The following PSPC1 variants were observed in gnomAD, a reference collection of about 807,000 sequenced individuals.
PSPC1 encodes the protein paraspeckle component 1.
Under a neutral mutation model 51.6 loss-of-function variants are expected in PSPC1, and 14 were observed. The observed-to-expected ratio is 0.27, with a 90% confidence interval of 0.18 to 0.42. The LOEUF (loss-of-function observed/expected upper bound fraction) is 0.42. Among genes scored for constraint, PSPC1 ranks in the 10% least tolerant of loss-of-function variants. PSPC1 has a pLI of 1.00. For synonymous variants in PSPC1, 193 were observed against 231.9 expected (o/e 0.83, Z 1.53); for missense variants, 406 against 701.1 (o/e 0.58, Z 4.75).
chr13:19,713,975 G>C (rs1344144154), intron 6 of PSPC1, among the ~76,000 whole-genome samples: 1 of 152,198 alleles, frequency 6.6e-6, no homozygotes, highest in Non-Finnish European at 1.5e-5. Flanking sequence ...CAGCACTATA[G>C]CACAAGCCAA....
downstream of PSPC1, chr13:19,673,222 A>C: frequency 2.3e-6 from 1 of 426,066 alleles, no homozygotes; most frequent in Non-Finnish European, 4.6e-6. Flanking sequence ...CTCTGGGAAG[A>C]GTTCCTGCTT....
intron 5 of PSPC1, among the ~76,000 whole-genome samples, chr13:19,738,052 T>C (rs898957253): frequency 6.6e-6 from 1 of 152,212 alleles, no homozygotes; most frequent in Non-Finnish European, 1.5e-5. Flanking sequence ...ATTGAGACAC[T>C]GCACTTCAGC....
intron 6 of PSPC1, among the ~76,000 whole-genome samples, chr13:19,725,935 G>A (rs1166632493): frequency 6.6e-6 from 1 of 152,086 alleles, no homozygotes. Context: ...TGAGACAGGA[G>A]GATAGCTTCA....
At chr13:19,673,002 GCCGTGAA>G (rs1876222481), downstream of PSPC1, 1 of 428,426 alleles carries the variant, frequency 2.3e-6, no homozygotes, top group Non-Finnish European at 4.6e-6. Flanking sequence ...GCTGCAGTGA[GCCGTGAA>G]AGGCCACTGC....
intron 7 of PSPC1, among the ~76,000 whole-genome samples, chr13:19,677,232 C>CAAAA (rs144841164): frequency 8.4e-6 from 1 of 119,170 alleles, no homozygotes; most frequent in African/African-American, 3.2e-5. Flanking sequence ...GACTCCGTCT[C>CAAAA]AAAAAAAAAA....
chr13:19,758,558 C>T (rs1440435738), intron 3 of PSPC1, among the ~76,000 whole-genome samples: 1 of 151,140 alleles, frequency 6.6e-6, no homozygotes, highest in Admixed American at 6.6e-5. Context: ...TCCAGCTGGG[C>T]GTGGTGGCTC....
intron 3 of PSPC1, among the ~76,000 whole-genome samples, chr13:19,757,144 A>G (rs1310573518): frequency 4.5e-4 from 69 of 151,756 alleles, no homozygotes; most frequent in African/African-American, 1.4e-3. Context: ...AAAAAAAAAA[A>G]AAAGAAAGAA....
chr13:19,747,634 T>G (rs1422614253), intron 4 of PSPC1, among the ~76,000 whole-genome samples: 1 of 152,202 alleles, frequency 6.6e-6, no homozygotes, highest in Admixed American at 6.6e-5. Flanking sequence ...CCCAGCCAGT[T>G]TGTTTTGTTG....
intron 2 of PSPC1, 51 bp from the exon 3 acceptor site, chr13:19,759,469 A>G: frequency 8.2e-7 from 1 of 1,226,656 alleles, no homozygotes; most frequent in Non-Finnish European, 1.2e-6. Context: ...CCAAGAATTA[A>G]TACCGTCTTA....
intron 3 of PSPC1, among the ~76,000 whole-genome samples, chr13:19,755,992 C>T (rs1002102221): frequency 6.6e-6 from 1 of 151,958 alleles, no homozygotes; most frequent in African/African-American, 2.4e-5. Flanking sequence ...ATCCCAGCAC[C>T]TTGGGAGGCC....
At chr13:19,682,939 A>G (rs1381381950) in intron 6 of PSPC1, among the ~76,000 whole-genome samples, 1 of 151,966 alleles carries the variant, frequency 6.6e-6, no homozygotes, top group Non-Finnish European at 1.5e-5. Flanking sequence ...GCAGTGGCAC[A>G]TGCCTGTATT....
intron 6 of PSPC1, among the ~76,000 whole-genome samples, chr13:19,721,505 A>G (rs1381652176): frequency 2.0e-5 from 3 of 152,236 alleles, no homozygotes; most frequent in East Asian, 1.9e-4. Context: ...GGAATAATAA[A>G]CAAATCACAT....
downstream of PSPC1, among the ~76,000 whole-genome samples, chr13:19,700,264 A>T (rs1879743009): frequency 6.6e-6 from 1 of 152,094 alleles, no homozygotes; most frequent in Admixed American, 6.5e-5. Context: ...CAAACTGTAA[A>T]GGTATTATTT....
rs1204607996 is a variant in PSPC1, at chr13:19,751,203, C to T, written c.967+68G>A. 7 of 1,299,306 alleles carry T rather than the reference C, an allele frequency of 5.4e-6. No homozygotes were observed. In the South Asian group the frequency reaches 1.0e-4, roughly 19 times the overall value. The allele number at this position is 1,299,306 out of a possible 1,614,324, so 80.5% of individuals were successfully genotyped here. A position where few individuals can be genotyped will look rare whatever the true frequency, so the allele number is the denominator to read the frequency against. On this transcript the variant is annotated intron_variant, in intron 4 of 8. Transcript: ENST00000338910. ...CTAAATGGCACTTTACACAGTAGTA[C>T]ATGAATGGTACACACACTTAAGGGA...
intron 4 of PSPC1, among the ~76,000 whole-genome samples, chr13:19,750,195 C>A (rs933135879): frequency 3.3e-5 from 5 of 152,110 alleles, no homozygotes; most frequent in Non-Finnish European, 5.9e-5. Flanking sequence ...CAGAAACGTT[C>A]AGCAGGAATG....
intron 6 of PSPC1, among the ~76,000 whole-genome samples, chr13:19,694,065 G>A (rs1019655047): frequency 1.9e-4 from 26 of 134,966 alleles, no homozygotes; most frequent in Non-Finnish European, 3.5e-4. Flanking sequence ...GGAGCCTGCA[G>A]TGAGCCGAGA....
chr13:19,696,645 G>A lies in PSPC1; in HGVS notation c.1159-18822C>T, dbSNP rs536085147. 1.9e-3 allele frequency among the ~76,000 whole-genome samples: 291 copies of A among 152,162 alleles called. 1 individual carries two copies. Among genetic ancestry groups the A allele is most frequent in the African/African-American group, 6.8e-3 (281 of 41,512 alleles). On this transcript the variant is annotated intron_variant and NMD_transcript_variant, in intron 6 of 7. Coordinates refer to the PSPC1 transcript ENST00000471658. ...AAAAGCAAAACAAGCTTACACCAAA[G>A]AGAAAGTCAGGCCATCATTTTAATC...
chr13:19,759,817 G>A (rs1024945774), intron 2 of PSPC1, among the ~76,000 whole-genome samples: 7 of 145,516 alleles, frequency 4.8e-5, no homozygotes, highest in Middle Eastern at 6.8e-3. Flanking sequence ...AGTCAAGATC[G>A]CATCACTGCA....
At chr13:19,704,546 C>T (rs563843817) in intron 8 of PSPC1, among the ~76,000 whole-genome samples, 10 of 152,176 alleles carry the variant, frequency 6.6e-5, no homozygotes, top group African/African-American at 2.2e-4. Context: ...AGATTTCATA[C>T]AGTAGTTTCA....
Sources: gnomAD v4.1 joint callset for allele counts (sites outside exome capture counted in the v4.1 genomes callset) on GRCh38, gnomAD v4.1.1 for gene constraint, MANE v1.5 for transcripts, NCBI Gene and HGNC (gene_info 2026-07-23, HGNC 2026-07-21) for gene names.